Variants in CSMD1 observed in about 807,000 individuals in gnomAD.
CSMD1 encodes CUB and Sushi multiple domains 1.
In CSMD1, 213 loss-of-function variants were observed where a neutral mutation model predicts 417.5. That is an observed-to-expected ratio of 0.51 (90% CI 0.46 to 0.57). CSMD1 has a LOEUF of 0.57. Among genes scored for constraint, CSMD1 ranks in the 20% least tolerant of loss-of-function variants. The pLI is 0.00. For missense variants in CSMD1, 6,923 were observed against 4,529.7 expected (o/e 1.53, Z -15.17); for synonymous variants, 2,862 against 1,736.8 (o/e 1.65, Z -16.11).
At chr8:3,513,792 G>C (rs1055608823) in intron 10 of CSMD1, among the ~76,000 whole-genome samples, 3 of 152,196 alleles carry the variant, frequency 2.0e-5, no homozygotes, top group African/African-American at 7.2e-5. Context: ...GAGATAGACA[G>C]CATTTTAATT....
chr8:4,940,871 T>A (rs188785620), intron 1 of CSMD1, among the ~76,000 whole-genome samples: 1 of 152,208 alleles, frequency 6.6e-6, no homozygotes, highest in Non-Finnish European at 1.5e-5. Context: ...AAAATTGTTT[T>A]TTCTTCAGGT....
At chr8:4,077,101 C>G (rs865978710) in intron 3 of CSMD1, among the ~76,000 whole-genome samples, 2 of 151,606 alleles carry the variant, frequency 1.3e-5, no homozygotes, top group Non-Finnish European at 2.9e-5. Context: ...TTTTAAGCCC[C>G]TACTTCATTT....
At chr8:4,120,487 A>C (rs1366198839) in intron 3 of CSMD1, among the ~76,000 whole-genome samples, 1 of 152,166 alleles carries the variant, frequency 6.6e-6, no homozygotes, top group African/African-American at 2.4e-5. Context: ...ATGCTAGAAG[A>C]AGAACCAGGA....
At chr8:3,514,072 G>C (rs1306327920) in intron 10 of CSMD1, among the ~76,000 whole-genome samples, 1 of 152,100 alleles carries the variant, frequency 6.6e-6, no homozygotes, top group Non-Finnish European at 1.5e-5. Context: ...GTGTTCTTTA[G>C]TTTTTCAAAG....
intron 5 of CSMD1, among the ~76,000 whole-genome samples, chr8:3,925,954 C>T (rs1351214972): frequency 1.3e-5 from 2 of 151,198 alleles, no homozygotes; most frequent in African/African-American, 4.9e-5. Context: ...AAGGCTTTTC[C>T]TTATACCTTT....
intron 3 of CSMD1, among the ~76,000 whole-genome samples, chr8:4,040,816 G>C (rs996744430): frequency 6.6e-6 from 1 of 152,084 alleles, no homozygotes; most frequent in African/African-American, 2.4e-5. Context: ...TTAATAGCAC[G>C]TGAAAGACTT....
At chr8:4,058,227 T>C (rs1229757164) in intron 3 of CSMD1, among the ~76,000 whole-genome samples, 2 of 152,108 alleles carry the variant, frequency 1.3e-5, no homozygotes, top group South Asian at 2.1e-4. Flanking sequence ...TGGTTTGTAG[T>C]TCTCCTTGAA....
chr8:3,143,787 T>G (rs1343296805), intron 40 of CSMD1, among the ~76,000 whole-genome samples: 1 of 152,280 alleles, frequency 6.6e-6, no homozygotes, highest in South Asian at 2.1e-4. Flanking sequence ...ATTTCCTAGA[T>G]TGGGAAAATT....
At chr8:4,402,878 G>A (rs751582352) in intron 3 of CSMD1, among the ~76,000 whole-genome samples, 36 of 142,198 alleles carry the variant, frequency 2.5e-4, no homozygotes, top group East Asian at 8.8e-4. Flanking sequence ...GGAGTGCAGC[G>A]GCGCAATCTG....
intron 3 of CSMD1, among the ~76,000 whole-genome samples, chr8:4,166,918 C>G (rs534414996): frequency 5.8e-4 from 88 of 152,300 alleles, no homozygotes; most frequent in Admixed American, 9.8e-4. Flanking sequence ...TTTGAATGCT[C>G]AGCAGCCAGG....
At chr8:4,863,196 A>G (rs1802235762) in intron 1 of CSMD1, among the ~76,000 whole-genome samples, 1 of 152,088 alleles carries the variant, frequency 6.6e-6, no homozygotes, top group Admixed American at 6.5e-5. Flanking sequence ...TCTTCACCTC[A>G]GTTTTTACTA....
intron 5 of CSMD1, among the ~76,000 whole-genome samples, chr8:3,974,761 T>C (rs540392930): frequency 2.0e-5 from 3 of 152,116 alleles, no homozygotes; most frequent in Non-Finnish European, 2.9e-5. Context: ...CTTACGGAAT[T>C]CTTTACAGTT....
chr8:3,623,136 T>G (rs932800426), intron 7 of CSMD1, among the ~76,000 whole-genome samples: 2 of 152,174 alleles, frequency 1.3e-5, no homozygotes, highest in Non-Finnish European at 1.5e-5. Flanking sequence ...CAGATATAAA[T>G]TAGACAGTTT....
intron 4 of CSMD1, among the ~76,000 whole-genome samples, chr8:4,010,139 C>G (rs1454673110): frequency 2.0e-5 from 3 of 152,174 alleles, no homozygotes; most frequent in African/African-American, 7.2e-5. Flanking sequence ...AATGTCTTCT[C>G]TGAAGTCATC....
intron 1 of CSMD1, among the ~76,000 whole-genome samples, chr8:4,810,068 A>G (rs1195121298): frequency 6.6e-6 from 1 of 152,264 alleles, no homozygotes; most frequent in Non-Finnish European, 1.5e-5. Flanking sequence ...TACCAGTTAA[A>G]GTTAGCTCAT....
chr8:4,615,208 G>C (rs1355683216), intron 2 of CSMD1, among the ~76,000 whole-genome samples: 2 of 152,106 alleles, frequency 1.3e-5, no homozygotes, highest in Non-Finnish European at 2.9e-5. Flanking sequence ...AGAAACAGAA[G>C]GAAATACGTG....
chr8:3,287,750 A>T lies in CSMD1; in HGVS notation c.3951-3404T>A, dbSNP rs542912479. Among the ~76,000 whole-genome samples the T allele has an allele frequency of 2.6e-5, 4 of 152,270 alleles. No homozygotes were observed. The South Asian group carries it at 8.3e-4, about 32-fold the overall frequency. On this transcript the variant is annotated intron_variant, in intron 25 of 69. Transcript: ENST00000635120. ...ATATACAATCACGTCATCTGCCAAC[A>T]GGGACAATTTGACTTCCTCTTTTCC...
intron 11 of CSMD1, among the ~76,000 whole-genome samples, chr8:3,480,309 C>A (rs1336088955): frequency 2.0e-5 from 3 of 152,130 alleles, no homozygotes; most frequent in Admixed American, 6.5e-5. Flanking sequence ...ATGCATTGAG[C>A]ACAGATCGTG....
chr8:3,775,475 A>T (rs907514700), intron 5 of CSMD1, among the ~76,000 whole-genome samples: 2 of 152,196 alleles, frequency 1.3e-5, no homozygotes, highest in Non-Finnish European at 2.9e-5. Context: ...GATACTCATG[A>T]AAAGGACACG....
Sources: allele counts gnomAD v4.1 joint callset (sites outside exome capture counted in the v4.1 genomes callset), GRCh38; gene constraint gnomAD v4.1.1; transcripts MANE v1.5; gene names NCBI Gene and HGNC (gene_info 2026-07-23, HGNC 2026-07-21).